Variants in TTC23L observed in about 807,000 individuals in gnomAD.
TTC23L encodes the protein tetratricopeptide repeat domain 23 like.
A neutral mutation model predicts 48.1 loss-of-function variants in TTC23L; 42 were observed. The observed-to-expected ratio is 0.87, with a 90% confidence interval of 0.68 to 1.13. The LOEUF (loss-of-function observed/expected upper bound fraction) is 1.13. TTC23L is among the 50% of genes most tolerant of loss of function. The pLI is 0.00. For missense variants in TTC23L, 391 were observed against 421.0 expected, an observed-to-expected ratio of 0.93 and a Z score of 0.62; for synonymous variants, 159 against 157.2, an observed-to-expected ratio of 1.01 and a Z score of -0.09.
chr5:34,890,872 G>C (rs1287946269), intron 9 of TTC23L, among the ~76,000 whole-genome samples: 1 of 152,114 alleles, frequency 6.6e-6, no homozygotes, highest in Non-Finnish European at 1.5e-5. Flanking sequence ...AAGTAGCTGG[G>C]ATTATAGGCA....
At chr5:34,882,798 G>T (rs1024428070) in intron 9 of TTC23L, among the ~76,000 whole-genome samples, 1 of 152,156 alleles carries the variant, frequency 6.6e-6, no homozygotes, top group South Asian at 2.1e-4. Context: ...CCAGCACTTT[G>T]CGAGGCCGAG....
the TTC23L span, among the ~76,000 whole-genome samples, chr5:34,917,695 G>A: frequency 1.3e-5 from 2 of 152,216 alleles, no homozygotes; most frequent in East Asian, 3.9e-4. Flanking sequence ...CATATCTATT[G>A]GAGGTGCTCA....
intron 3 of TTC23L, among the ~76,000 whole-genome samples, chr5:34,846,341 C>T (rs1759138156): frequency 6.6e-6 from 1 of 151,460 alleles, no homozygotes; most frequent in Non-Finnish European, 1.5e-5. Flanking sequence ...GGGCAGATCA[C>T]CTGATGTCAG....
intron 9 of TTC23L, among the ~76,000 whole-genome samples, chr5:34,884,835 C>T (rs1240365826): frequency 6.6e-6 from 1 of 152,124 alleles, no homozygotes; most frequent in Non-Finnish European, 1.5e-5. Context: ...CCTTGAGATT[C>T]CTGATTTATT....
the TTC23L span, chr5:34,914,006 G>C: frequency 4.4e-6 from 2 of 456,604 alleles, no homozygotes; most frequent in Admixed American, 2.3e-5. Flanking sequence ...AAATACAGGT[G>C]TGAGCCACCA....
chr5:34,846,234 G>A (rs114483745), intron 3 of TTC23L, among the ~76,000 whole-genome samples: 2,042 of 151,660 alleles, frequency 0.013, 38 homozygotes, highest in African/African-American at 0.047. Flanking sequence ...TCATTTGATT[G>A]TTTTTGTTGC....
chr5:34,913,327 A>T, the TTC23L span: 2 of 434,762 alleles, frequency 4.6e-6, no homozygotes, highest in Non-Finnish European at 8.4e-6. Flanking sequence ...AACATTGTGA[A>T]ATGTTAGAAC....
intron 1 of TTC23L, 30 bp from the exon 2 acceptor site, chr5:34,840,635 T>A: frequency 6.2e-7 from 1 of 1,605,218 alleles, no homozygotes; most frequent in Non-Finnish European, 8.5e-7. Context: ...GCCTTTTCTC[T>A]CAAAGCTGAC....
rs938607456 is a variant in TTC23L, at chr5:34,880,128, G to A, written c.950-53G>A. The A allele has an allele frequency of 2.2e-5, 35 of 1,565,010 alleles. No individual in the cohort carries two copies. In the South Asian group the frequency reaches 4.0e-4, roughly 18 times the overall value. On this transcript the variant is annotated intron_variant, in intron 8 of 10. Transcript: ENST00000505624. ...GTCAATTGAGCCAAAGCTGATATTA[G>A]ACATTTGTAAAGGTTAGCAGCTTGC...
chr5:34,844,557 G>A (rs778595360), intron 2 of TTC23L, among the ~76,000 whole-genome samples: 7 of 147,974 alleles, frequency 4.7e-5, no homozygotes, highest in Non-Finnish European at 7.5e-5. Flanking sequence ...GTGCTTTTCT[G>A]AATTTTCTTT....
At chr5:34,923,432 C>G in the TTC23L span, 1 of 573,392 alleles carries the variant, frequency 1.7e-6, no homozygotes, top group South Asian at 2.2e-5. Flanking sequence ...CACCCATCAT[C>G]ACGCCTGGCT....
At chr5:34,901,452 C>A (rs1277498731), downstream of TTC23L, among the ~76,000 whole-genome samples, 1 of 152,114 alleles carries the variant, frequency 6.6e-6, no homozygotes, top group Non-Finnish European at 1.5e-5. Context: ...TCAGAAAGGA[C>A]CATTTTATTT....
rs895710022 is a variant in TTC23L, at chr5:34,842,032, A to C, written c.68+1293A>C. Among the ~76,000 whole-genome samples the C allele has an allele frequency of 8.5e-5, 13 of 152,224 alleles. No individual in the cohort carries two copies. The East Asian group carries it at 2.5e-3, about 29-fold the overall frequency. ...ATGCTGCCAGATTTCCCCTCGGGGC[A>C]AAGTCATCCTTAGTTGGGAACCATT... On this transcript the variant is annotated intron_variant, in intron 2 of 10. Coordinates refer to ENST00000505624, the Ensembl canonical transcript of TTC23L.
downstream of TTC23L, among the ~76,000 whole-genome samples, chr5:34,900,164 C>G (rs1172629774): frequency 6.6e-6 from 1 of 152,166 alleles, no homozygotes; most frequent in East Asian, 1.9e-4. Flanking sequence ...CTTGTGCAGT[C>G]AAAAATCTTT....
chr5:34,904,782 C>A, the TTC23L span, among the ~76,000 whole-genome samples: 1 of 152,060 alleles, frequency 6.6e-6, no homozygotes, highest in African/African-American at 2.4e-5. Context: ...TGGCAGGAAG[C>A]AAGACCATTT....
chr5:34,914,929 G>C, the TTC23L span: 3 of 1,610,752 alleles, frequency 1.9e-6, no homozygotes, highest in African/African-American at 2.7e-5. Flanking sequence ...GATGCTCCTG[G>C]GGCCAACAAC....
At chr5:34,859,803 C>T (rs1026942718) in intron 4 of TTC23L, among the ~76,000 whole-genome samples, 2 of 149,714 alleles carry the variant, frequency 1.3e-5, no homozygotes, top group Admixed American at 1.3e-4. Context: ...ATAGCTTATA[C>T]GTTTTTCTTT....
the TTC23L span, chr5:34,907,835 A>C: frequency 6.6e-6 from 1 of 152,238 alleles, no homozygotes; most frequent in Non-Finnish European, 1.5e-5. Context: ...ATTTGCAAGG[A>C]AATCACATGT....
At chr5:34,921,993 T>C in the TTC23L span, 4 of 280,078 alleles carry the variant, frequency 1.4e-5, no homozygotes, top group Non-Finnish European at 2.6e-5. Flanking sequence ...ATATGATAGA[T>C]AATTTCACCC....
Sources: gnomAD v4.1 joint callset for allele counts (sites outside exome capture counted in the v4.1 genomes callset) on GRCh38, gnomAD v4.1.1 for gene constraint, MANE v1.5 for transcripts, NCBI Gene and HGNC (gene_info 2026-07-23, HGNC 2026-07-21) for gene names.